Variants in KCNB2 observed in about 807,000 individuals in gnomAD.
KCNB2 encodes potassium voltage-gated channel subfamily B member 2.
Under a neutral mutation model 61.5 loss-of-function variants are expected in KCNB2, and 15 were observed. The observed-to-expected ratio is 0.24, with a 90% CI of 0.16 to 0.38. The LOEUF (loss-of-function observed/expected upper bound fraction) is 0.38, where lower values mean the gene tolerates loss of function less well. Ranked by LOEUF, KCNB2 falls within the 10% of genes least tolerant of loss-of-function variation. The pLI, the probability that KCNB2 is intolerant of heterozygous loss-of-function variation, is 1.00. For missense variants in KCNB2, 828 were observed against 1,125.2 expected (o/e 0.74, Z 3.78); for synonymous variants, 457 against 446.0 (o/e 1.02, Z -0.31).
rs553451447 is a variant in KCNB2, at chr8:72,840,462, T to C, written c.580-95473T>C. Among the ~76,000 whole-genome samples the C allele has an allele frequency of 2.0e-5, 3 of 152,350 alleles. No homozygotes were observed. The South Asian group carries it at 6.2e-4, about 32-fold the overall frequency. On this transcript the variant is annotated intron_variant, in intron 2 of 2. Transcript: ENST00000523207. Reference sequence around the variant, plus strand: ...TGCTGGGTCAAATGGTATTTCTGGTTCTAGATCCTTGTGGAAGCACACTGT... The same window carrying C: ...TGCTGGGTCAAATGGTATTTCTGGTCCTAGATCCTTGTGGAAGCACACTGT...
intron 2 of KCNB2, among the ~76,000 whole-genome samples, chr8:72,920,467 A>ATATGTGTG (rs1333914273): frequency 1.1e-5 from 1 of 88,668 alleles, no homozygotes; most frequent in African/African-American, 5.6e-5. Flanking sequence ...CTATCTATCT[A>ATATGTGTG]TCTATCTATA....
At chr8:72,835,208 T>G (rs1186334960) in intron 2 of KCNB2, among the ~76,000 whole-genome samples, 1 of 152,186 alleles carries the variant, frequency 6.6e-6, no homozygotes, top group East Asian at 1.9e-4. Flanking sequence ...TAATGCAGAA[T>G]GTAGTTGTGT....
intron 2 of KCNB2, among the ~76,000 whole-genome samples, chr8:72,638,227 T>A (rs1485267870): frequency 1.3e-5 from 2 of 152,148 alleles, no homozygotes; most frequent in Non-Finnish European, 2.9e-5. Context: ...GGTCAGGACC[T>A]ATTCTTCTGT....
chr8:72,614,471 G>A (rs1477723984), intron 2 of KCNB2, among the ~76,000 whole-genome samples: 1 of 152,126 alleles, frequency 6.6e-6, no homozygotes, highest in Non-Finnish European at 1.5e-5. Context: ...GCTGTTAAAG[G>A]AATCCTCCTC....
chr8:72,556,736 A>G (rs537611019), intron 1 of KCNB2, among the ~76,000 whole-genome samples: 1 of 152,272 alleles, frequency 6.6e-6, no homozygotes, highest in Admixed American at 6.5e-5. Context: ...AAGAACAAAA[A>G]GGGACCTCCA....
At chr8:72,868,923 C>G (rs967675913) in intron 2 of KCNB2, among the ~76,000 whole-genome samples, 1 of 152,160 alleles carries the variant, frequency 6.6e-6, no homozygotes, top group African/African-American at 2.4e-5. Flanking sequence ...GACCCTTCAA[C>G]AGGAAAGTCT....
chr8:72,900,002 T>G (rs936354536), intron 2 of KCNB2, among the ~76,000 whole-genome samples: 3 of 151,878 alleles, frequency 2.0e-5, no homozygotes, highest in Admixed American at 6.6e-5. Flanking sequence ...AGACCCCATC[T>G]CAAAACAAAA....
chr8:72,800,625 A>G lies in KCNB2; in HGVS notation c.580-135310A>G, dbSNP rs76703583. The stretch of plus-strand genomic sequence containing the variant: ...CCCAGAGCTCCATAAAAGATTCAAT[A>G]TCTAATTTGTCTGTTGGGAGTCAAT... On this transcript the variant is annotated intron_variant, in intron 2 of 2. Coordinates refer to ENST00000523207, the MANE Select transcript of KCNB2 (RefSeq NM_004770.3). 4.2e-4 allele frequency among the ~76,000 whole-genome samples: 64 copies of G among 152,048 alleles called. 1 individual carries two copies. In the East Asian group the frequency reaches 0.012, roughly 28 times the overall value.
At chr8:72,841,903 T>C (rs1017914855) in intron 2 of KCNB2, among the ~76,000 whole-genome samples, 1 of 152,220 alleles carries the variant, frequency 6.6e-6, no homozygotes, top group Non-Finnish European at 1.5e-5. Context: ...CTTCTCTTCC[T>C]ATTTGAATAC....
intron 2 of KCNB2, among the ~76,000 whole-genome samples, chr8:72,873,756 C>T (rs1428516563): frequency 6.6e-6 from 1 of 152,232 alleles, no homozygotes; most frequent in Non-Finnish European, 1.5e-5. Context: ...GCATGCCTGT[C>T]CTGAAGAGTC....
intron 2 of KCNB2, among the ~76,000 whole-genome samples, chr8:72,898,307 G>A (rs984223523): frequency 3.6e-4 from 55 of 152,140 alleles, no homozygotes; most frequent in South Asian, 8.3e-4. Flanking sequence ...TAGGGGAAGG[G>A]GGGAGGGATA....
chr8:72,707,109 C>G (rs1807239974), intron 2 of KCNB2, among the ~76,000 whole-genome samples: 1 of 152,218 alleles, frequency 6.6e-6, no homozygotes, highest in Admixed American at 6.5e-5. Context: ...ACCTTGCCTT[C>G]ATAAGGCAGA....
intron 2 of KCNB2, among the ~76,000 whole-genome samples, chr8:72,918,965 A>G (rs1358984460): frequency 6.6e-6 from 1 of 152,238 alleles, no homozygotes; most frequent in Non-Finnish European, 1.5e-5. Flanking sequence ...TCTGCAAACA[A>G]CAGCTGTGGC....
chr8:72,793,602 G>A (rs1808980282), intron 2 of KCNB2, among the ~76,000 whole-genome samples: 1 of 152,022 alleles, frequency 6.6e-6, no homozygotes, highest in African/African-American at 2.4e-5. Context: ...AAATACCAAA[G>A]CCTAGGCCCA....
chr8:72,550,403 C>A (rs1420736237), intron 1 of KCNB2, among the ~76,000 whole-genome samples: 3 of 152,150 alleles, frequency 2.0e-5, no homozygotes, highest in African/African-American at 4.8e-5. Flanking sequence ...TTAGTCCTTA[C>A]CCTTTCGAGG....
intron 2 of KCNB2, among the ~76,000 whole-genome samples, chr8:72,868,414 C>T (rs1267712284): frequency 6.6e-6 from 1 of 151,712 alleles, no homozygotes; most frequent in Non-Finnish European, 1.5e-5. Flanking sequence ...CCCGTCTCTA[C>T]TAAAAATACA....
chr8:72,776,901 TC>T (rs1251605658), intron 2 of KCNB2, among the ~76,000 whole-genome samples: 1 of 152,168 alleles, frequency 6.6e-6, no homozygotes, highest in Non-Finnish European at 1.5e-5. Context: ...ATGAGAGGGT[TC>T]AATGACTTTT....
intron 2 of KCNB2, among the ~76,000 whole-genome samples, chr8:72,913,501 G>A (rs1806337521): frequency 6.6e-6 from 1 of 152,190 alleles, no homozygotes; most frequent in African/African-American, 2.4e-5. Flanking sequence ...ACTGCAATAA[G>A]TAGCTGTACT....
chr8:72,755,677 A>C (rs1365108231), intron 2 of KCNB2, among the ~76,000 whole-genome samples: 1 of 152,158 alleles, frequency 6.6e-6, no homozygotes, highest in East Asian at 1.9e-4. Context: ...GACAGTACAC[A>C]ATTCTAGAAT....
Sources: gnomAD v4.1 joint callset for allele counts (sites outside exome capture counted in the v4.1 genomes callset) on GRCh38, gnomAD v4.1.1 for gene constraint, MANE v1.5 for transcripts, NCBI Gene and HGNC (gene_info 2026-07-23, HGNC 2026-07-21) for gene names.